The following SLC23A2 variants were observed in gnomAD, a reference collection of about 807,000 sequenced individuals.
SLC23A2 encodes the protein Na(+)/L-ascorbic acid transporter 2.
In SLC23A2, 36 loss-of-function variants were observed where a neutral mutation model predicts 73.3. The ratio of observed to expected loss-of-function variants is 0.49; its 90% CI spans 0.38 to 0.65. SLC23A2 has a LOEUF of 0.65. SLC23A2 is among the 30% of genes least tolerant of loss of function. The pLI, the probability that SLC23A2 is intolerant of heterozygous loss-of-function variation, is 0.00. For synonymous variants in SLC23A2, 343 were observed against 327.3 expected (o/e 1.05, Z -0.52); for missense variants, 507 against 841.6 (o/e 0.60, Z 4.92).
intron 4 of SLC23A2, among the ~76,000 whole-genome samples, chr20:4,910,380 A>AG (rs1491244431): frequency 7.1e-5 from 4 of 55,952 alleles, no homozygotes; most frequent in African/African-American, 1.8e-4. Flanking sequence ...CTGTCTCAAG[A>AG]AAAAAAAAAA....
intron 1 of SLC23A2, among the ~76,000 whole-genome samples, chr20:4,975,474 G>T (rs1025001190): frequency 6.6e-6 from 1 of 151,914 alleles, no homozygotes; most frequent in Non-Finnish European, 1.5e-5. Flanking sequence ...TCCACATCCC[G>T]GGTTCAAGCC....
intron 6 of SLC23A2, among the ~76,000 whole-genome samples, chr20:4,887,143 C>A (rs1416745459): frequency 1.3e-5 from 2 of 152,184 alleles, no homozygotes; most frequent in South Asian, 4.1e-4. Context: ...AAACCAGATG[C>A]ATTGCTGTTG....
intron 2 of SLC23A2, among the ~76,000 whole-genome samples, chr20:4,968,352 G>A (rs967498841): frequency 2.6e-5 from 4 of 152,210 alleles, no homozygotes; most frequent in African/African-American, 9.6e-5. Context: ...CCAGCACCTG[G>A]AGGTCAGAGG....
At chr20:4,897,962 A>G (rs1931607053) in intron 6 of SLC23A2, among the ~76,000 whole-genome samples, 2 of 152,246 alleles carry the variant, frequency 1.3e-5, no homozygotes, top group Admixed American at 1.3e-4. Flanking sequence ...ACATCTCCCC[A>G]GAGAACCAGT....
chr20:4,935,525 G>A (rs190224352), intron 2 of SLC23A2, among the ~76,000 whole-genome samples: 16 of 152,138 alleles, frequency 1.1e-4, no homozygotes, highest in East Asian at 3.9e-4. Flanking sequence ...CAGGCCGGGC[G>A]CAGTGGTTCA....
At chr20:4,924,188 A>C (rs150770893) in intron 3 of SLC23A2, among the ~76,000 whole-genome samples, 1 of 152,238 alleles carries the variant, frequency 6.6e-6, no homozygotes, top group East Asian at 1.9e-4. Context: ...CTCCTCCTGA[A>C]GCTCCTTCCA....
intron 9 of SLC23A2, among the ~76,000 whole-genome samples, chr20:4,881,598 TC>T (rs1372655985): frequency 6.6e-6 from 1 of 152,176 alleles, no homozygotes; most frequent in Non-Finnish European, 1.5e-5. Flanking sequence ...GGGTTTTGTT[TC>T]CCCCTCAAGA....
At position 4,902,562 on chromosome 20, in the gene SLC23A2, C is replaced by A; in HGVS notation, c.208-4G>T. 1.9e-6 allele frequency: 3 copies of A among 1,563,886 alleles called. No homozygotes were observed. The highest frequency in any genetic ancestry group is 2.6e-6 in the Non-Finnish European group (3 of 1,139,850). On this transcript the variant is annotated splice_region_variant and splice_polypyrimidine_tract_variant and intron_variant, in intron 4 of 16. Transcript: ENST00000338244. This position sits in a 1 kb window ranked among gnomAD's most constrained non-coding sequence, Gnocchi z 4.0. ...CCAGGGTCTCAGCGAGAGAGCTCTG[C>A]GAGCCAGAAGGAGAAAAGAAGGTGC...
At chr20:4,967,163 C>G (rs958196511) in intron 2 of SLC23A2, among the ~76,000 whole-genome samples, 1 of 152,078 alleles carries the variant, frequency 6.6e-6, no homozygotes, top group Non-Finnish European at 1.5e-5. Context: ...AAACATTACT[C>G]AAATCCAGAA....
In SLC23A2 at chr20:4,854,192, C is replaced by G. The variant is rs1929628567; in HGVS notation, c.*2780G>C. ...CAAAACAAAGTACGGGGTGGTGGTT[C>G]AAAGCCCCAGCAACGCAGGCCAATG... On this transcript the variant is annotated 3_prime_UTR_variant, in exon 17 of 17. Coordinates refer to ENST00000338244, the MANE Select transcript of SLC23A2 (RefSeq NM_005116.6). 6.6e-6 allele frequency: 1 copy of G among 152,178 alleles called. No individual in the cohort carries two copies. The highest frequency in any genetic ancestry group is 6.5e-5 in the Admixed American group (1 of 15,278). 9.4% of individuals were successfully genotyped at this position (152,178 alleles called of 1,614,324 possible). A position where few individuals can be genotyped will look rare whatever the true frequency, so the allele number is the denominator to read the frequency against.
chr20:4,929,385 G>A (rs536274118), intron 3 of SLC23A2, among the ~76,000 whole-genome samples: 9 of 152,342 alleles, frequency 5.9e-5, no homozygotes, highest in Non-Finnish European at 1.0e-4. Flanking sequence ...TCCAGCAGGG[G>A]AACAAGGTGG....
chr20:4,902,523 A>T lies in SLC23A2; in HGVS notation c.243T>A (p.Ser81Arg). 1 of 1,612,810 alleles carries T rather than the reference A, an allele frequency of 6.2e-7. No individual in the cohort carries two copies. The highest frequency in any genetic ancestry group is 8.5e-7 in the Non-Finnish European group (1 of 1,179,138). Reference protein sequence around the residue: ...SLAETLDSTGSLDPQRSDMIY... With the variant: ...SLAETLDSTGRLDPQRSDMIY... ...TCATGTCTGATCGCTGGGGGTCCAG[A>T]CTGCCAGTGCTATCCAGGGTCTCAG... is the stretch of plus-strand genomic sequence containing the variant. The change falls in exon 5 of 17, where the codon AGT (serine) becomes AGA (arginine). Residue 81 changes from serine to arginine, a missense_variant. Physicochemically the swap from Ser to Arg is moderately radical, Grantham distance 110 (BLOSUM62 -1). This residue lies in a region of SLC23A2 where 78 missense variants were observed against 86.7 expected (regional missense o/e 0.90). Coordinates refer to ENST00000338244, the MANE Select transcript of SLC23A2 (RefSeq NM_005116.6). This position sits in a 1 kb window ranked among gnomAD's most constrained non-coding sequence, Gnocchi z 4.0.
rs1930975304 is a variant in SLC23A2, at chr20:4,883,527, A to G, written c.824+115T>C. ...CTATTCCCCAGCACGAAGCAAATAAAGTTGAAACTGTCAGACCATTCTTAT... is the reference window on the plus strand; with the variant it reads ...CTATTCCCCAGCACGAAGCAAATAAGGTTGAAACTGTCAGACCATTCTTAT... On this transcript the variant is annotated intron_variant, in intron 9 of 16. Transcript: ENST00000338244. This position sits in a 1 kb window ranked among gnomAD's most constrained non-coding sequence, Gnocchi z 4.5. 2 of 791,854 alleles carry G rather than the reference A, an allele frequency of 2.5e-6. No homozygotes were observed. The highest frequency in any genetic ancestry group is 4.0e-6 in the Non-Finnish European group (2 of 502,328). The allele number at this position is 791,854 out of a possible 1,614,324, so 49.1% of individuals were successfully genotyped here. A position where few individuals can be genotyped will look rare whatever the true frequency, so the allele number is the denominator to read the frequency against.
chr20:4,921,956 G>C (rs1932511443), intron 3 of SLC23A2, among the ~76,000 whole-genome samples: 1 of 152,186 alleles, frequency 6.6e-6, no homozygotes, highest in Non-Finnish European at 1.5e-5. Context: ...ATTTAAGAGG[G>C]TGGGGAATGT....
intron 1 of SLC23A2, among the ~76,000 whole-genome samples, chr20:4,979,588 C>T (rs1029914537): frequency 6.6e-6 from 1 of 151,972 alleles, no homozygotes; most frequent in African/African-American, 2.4e-5. Context: ...AATATAGAGA[C>T]AATAATATTG....
At position 4,867,836 on chromosome 20, in the gene SLC23A2, G is replaced by A. The variant is rs141025908; in HGVS notation, c.1290C>T (p.Gly430=). 36 of 1,611,108 alleles carry A rather than the reference G, an allele frequency of 2.2e-5. No homozygotes were observed. The highest frequency in any genetic ancestry group is 3.0e-5 in the Non-Finnish European group (35 of 1,177,596). The change falls in exon 13 of 17, where the codon GGC becomes GGT. Residue 430 remains glycine, a synonymous_variant. Coordinates refer to ENST00000338244, the MANE Select transcript of SLC23A2 (RefSeq NM_005116.6). ...TAGAGCCATTCCCAGTACCAAATAT[G>A]CCATCAAGAACACAGGAGAGGCCTT... ...FVEGLSCVLD[G]IFGTGNGSTS...
In SLC23A2 at chr20:4,883,142, T is replaced by C. The variant is rs143582572; in HGVS notation, c.824+500A>G. 2.0e-4 allele frequency among the ~76,000 whole-genome samples: 30 copies of C among 152,304 alleles called. No individual in the cohort carries two copies. The highest frequency in any genetic ancestry group is 6.3e-4 in the African/African-American group (26 of 41,540). On this transcript the variant is annotated intron_variant, in intron 9 of 16. Transcript: ENST00000338244. The surrounding 1 kb of genome is among the most constrained non-coding windows in gnomAD (Gnocchi z 4.5). ...ACTAGCAGGACCCTGGCAGAAACTATGTCCCTCCCCCAACCACCCACCCGT... is the reference window on the plus strand; with the variant it reads ...ACTAGCAGGACCCTGGCAGAAACTACGTCCCTCCCCCAACCACCCACCCGT...
intron 2 of SLC23A2, among the ~76,000 whole-genome samples, chr20:4,943,920 C>T (rs867889992): frequency 1.3e-5 from 2 of 152,060 alleles, no homozygotes; most frequent in Non-Finnish European, 2.9e-5. Context: ...CAGCCAGACA[C>T]GAGACATGCA....
intron 2 of SLC23A2, among the ~76,000 whole-genome samples, chr20:4,966,164 G>A (rs1408003854): frequency 1.3e-5 from 2 of 152,086 alleles, no homozygotes; most frequent in African/African-American, 2.4e-5. Flanking sequence ...GGCAGCAGGG[G>A]AGATCAATTT....
Sources: allele counts gnomAD v4.1 joint callset (sites outside exome capture counted in the v4.1 genomes callset), GRCh38; gene constraint gnomAD v4.1.1; regional missense constraint gnomAD v4.1.1; non-coding constraint Gnocchi (gnomAD v3.1); transcripts MANE v1.5; gene names NCBI Gene and HGNC (gene_info 2026-07-23, HGNC 2026-07-21).